The following IL4I1 variants were observed in gnomAD, a reference collection of about 807,000 sequenced individuals.
IL4I1 encodes interleukin 4 induced 1, also known as L-amino-acid oxidase.
IL4I1 carries 24 observed loss-of-function variants against 29.7 expected under a neutral mutation model. The observed-to-expected ratio is 0.81, with a 90% CI of 0.59 to 1.14. IL4I1 has a LOEUF of 1.14. IL4I1 is among the 50% of genes most tolerant of loss of function. The pLI, the probability that IL4I1 is intolerant of heterozygous loss-of-function variation, is 0.00. For synonymous variants in IL4I1, 371 were observed against 352.5 expected (o/e 1.05, Z -0.59); for missense variants, 686 against 785.6 (o/e 0.87, Z 1.52).
chr19:49,921,866 C>T lies in IL4I1; in HGVS notation c.-228+5828G>A, dbSNP rs372225780. ...TAGGAACCACATATCCTGGGCCAGA[C>T]GAATGCAGGAGCTGCCTCCTCTGGA... On this transcript the variant is annotated intron_variant, in intron 2 of 9. Transcript: ENST00000341114. The surrounding 1 kb of genome is among the most constrained non-coding windows in gnomAD (Gnocchi z 5.4). Among the ~76,000 whole-genome samples, 2 of 152,184 alleles carry T rather than the reference C, an allele frequency of 1.3e-5. No individual in the cohort carries two copies. The highest frequency in any genetic ancestry group is 4.8e-5 in the African/African-American group (2 of 41,444).
At chr19:49,899,974 A>G (rs2075257235), upstream of IL4I1, among the ~76,000 whole-genome samples, 1 of 152,070 alleles carries the variant, frequency 6.6e-6, no homozygotes, top group Non-Finnish European at 1.5e-5. Context: ...AGCTGGGACC[A>G]CAGGTGCACA....
At chr19:49,913,427 G>C (rs1158309913) in intron 2 of IL4I1, among the ~76,000 whole-genome samples, 1 of 152,226 alleles carries the variant, frequency 6.6e-6, no homozygotes, top group African/African-American at 2.4e-5. Context: ...GTGACCTAGA[G>C]TGGGGGCTTT....
chr19:49,920,987 T>C (rs752029126), intron 2 of IL4I1, among the ~76,000 whole-genome samples: 3 of 152,268 alleles, frequency 2.0e-5, no homozygotes, highest in Middle Eastern at 3.4e-3. Flanking sequence ...GAGGTTTCTC[T>C]GGGAACCAGG....
intron 2 of IL4I1, among the ~76,000 whole-genome samples, chr19:49,914,967 T>A (rs1186566692): frequency 6.6e-6 from 1 of 151,962 alleles, no homozygotes; most frequent in East Asian, 1.9e-4. Flanking sequence ...CTTGAACTCC[T>A]GACCTCAGGT....
At chr19:49,897,966 G>T (rs1320515524), upstream of IL4I1, among the ~76,000 whole-genome samples, 1 of 152,358 alleles carries the variant, frequency 6.6e-6, no homozygotes. Context: ...GCGGGAGGCC[G>T]TGGCAAAGGG....
At chr19:49,901,666 C>A, upstream of IL4I1, 1 of 1,537,868 alleles carries the variant, frequency 6.5e-7, no homozygotes. Flanking sequence ...GGGGCTCTCT[C>A]AGCACCCATG....
intron 2 of IL4I1, among the ~76,000 whole-genome samples, chr19:49,914,715 T>C (rs2075574133): frequency 8.0e-6 from 1 of 125,236 alleles, no homozygotes; most frequent in Non-Finnish European, 1.6e-5. Flanking sequence ...CTTGTGCCAC[T>C]CCAAGTCCCA....
intron 2 of IL4I1, chr19:49,908,867 G>A (rs1291389028): frequency 6.2e-7 from 1 of 1,611,442 alleles, no homozygotes; most frequent in South Asian, 1.1e-5. Context: ...GCCAGGGCCA[G>A]GTGGAGCGGT....
At chr19:49,910,666 C>A (rs903419317) in intron 2 of IL4I1, among the ~76,000 whole-genome samples, 6 of 148,858 alleles carry the variant, frequency 4.0e-5, no homozygotes, top group Admixed American at 2.7e-4. Context: ...TCTCAACCAT[C>A]TGCAGACACT....
rs1028296820 is a variant in IL4I1 at position 49,921,630 on chromosome 19, C to T, written c.-228+6064G>A. Among the ~76,000 whole-genome samples, 2 of 152,214 alleles carry T rather than the reference C, an allele frequency of 1.3e-5. No individual in the cohort carries two copies. Among genetic ancestry groups the T allele is most frequent in the Non-Finnish European group, 2.9e-5 (2 of 68,040 alleles). ...TGCATCAAACTGGGCTAAGGCCTGG[C>T]GCTCTGATGGCCGCTGACCTCAAAA... On this transcript the variant is annotated intron_variant, in intron 2 of 9. Coordinates refer to the IL4I1 transcript ENST00000341114. The surrounding 1 kb of genome is among the most constrained non-coding windows in gnomAD (Gnocchi z 5.4).
At chr19:49,895,251 C>A in intron 3 of IL4I1, 71 bp from the exon 4 acceptor site, 1 of 1,240,136 alleles carries the variant, frequency 8.1e-7, no homozygotes, top group East Asian at 2.4e-5. Flanking sequence ...CTCTACCACC[C>A]CGTGCCAGCC....
intron 2 of IL4I1, among the ~76,000 whole-genome samples, chr19:49,916,490 T>C (rs2075626653): frequency 6.6e-6 from 1 of 151,372 alleles, no homozygotes; most frequent in Non-Finnish European, 1.5e-5. Flanking sequence ...ATACAAAAAT[T>C]AGGCCAGGCG....
intron 2 of IL4I1, chr19:49,909,735 T>C (rs2075414634): frequency 1.2e-6 from 2 of 1,614,042 alleles, no homozygotes; most frequent in African/African-American, 1.3e-5. Flanking sequence ...GGTGTGGTTG[T>C]TGCCGTCTTT....
intron 2 of IL4I1, chr19:49,912,859 C>T (rs1428763402): frequency 6.6e-6 from 1 of 152,164 alleles, no homozygotes; most frequent in South Asian, 2.1e-4. Context: ...GAGTGAGACC[C>T]CATCTAAAAA....
At chr19:49,908,519 C>A in intron 2 of IL4I1, 1 of 1,614,154 alleles carries the variant, frequency 6.2e-7, no homozygotes, top group East Asian at 2.2e-5. Flanking sequence ...GGTTTTCTCA[C>A]GCTCCTCATC....
At chr19:49,928,947 G>A (rs954186013) in intron 1 of IL4I1, 3 of 152,644 alleles carry the variant, frequency 2.0e-5, no homozygotes, top group African/African-American at 7.2e-5. Flanking sequence ...GAGTCAGGAG[G>A]AGGAAACCAG....
chr19:49,897,263 ACTTTCCC>A (rs2075222448), upstream of IL4I1, among the ~76,000 whole-genome samples: 1 of 152,032 alleles, frequency 6.6e-6, no homozygotes, highest in South Asian at 2.1e-4. Flanking sequence ...GGCCAGGCCA[ACTTTCCC>A]CTCCAAGTCC....
At chr19:49,903,369 C>T (rs544198050) in intron 3 of IL4I1, among the ~76,000 whole-genome samples, 4 of 152,234 alleles carry the variant, frequency 2.6e-5, no homozygotes, top group South Asian at 4.1e-4. Flanking sequence ...GGAGGGGAGA[C>T]GGGACAAGGG....
chr19:49,891,122 C>T lies in IL4I1; in HGVS notation c.637-15G>A, dbSNP rs770325646. 6.8e-6 allele frequency: 11 copies of T among 1,609,954 alleles called. No individual in the cohort carries two copies. The highest frequency in any genetic ancestry group is 9.3e-6 in the Non-Finnish European group (11 of 1,178,392). ...AGAAGATATTCCTGCAGGTTGGGCA[C>T]AGGCCGAGGTTAGGGCCCAGGCAGG... On this transcript the variant is annotated splice_polypyrimidine_tract_variant and intron_variant, in intron 6 of 7. Coordinates refer to ENST00000391826, the MANE Select transcript of IL4I1 (RefSeq NM_152899.2).
Sources: allele counts gnomAD v4.1 joint callset (sites outside exome capture counted in the v4.1 genomes callset), GRCh38; gene constraint gnomAD v4.1.1; non-coding constraint Gnocchi (gnomAD v3.1); transcripts MANE v1.5; gene names NCBI Gene and HGNC (gene_info 2026-07-23, HGNC 2026-07-21).